The following TAF1B variants were observed in gnomAD, a reference collection of about 807,000 sequenced individuals.
TAF1B encodes the protein TATA box-binding protein-associated factor RNA polymerase I subunit B.
TAF1B carries 61 observed loss-of-function variants against 83.9 expected under a neutral mutation model. The observed-to-expected ratio is 0.73, with a 90% CI of 0.59 to 0.90. The LOEUF is 0.90. TAF1B is among the 40% of genes least tolerant of loss of function. TAF1B has a pLI of 0.00. For missense variants in TAF1B, 625 were observed against 677.0 expected (o/e 0.92, Z 0.85); for synonymous variants, 221 against 224.6 (o/e 0.98, Z 0.14).
intron 12 of TAF1B, among the ~76,000 whole-genome samples, chr2:9,917,812 C>T (rs1665728615): frequency 6.6e-6 from 1 of 151,754 alleles, no homozygotes; most frequent in Non-Finnish European, 1.5e-5. Flanking sequence ...GTGGCTCACG[C>T]CTGTAATCCC....
At chr2:9,872,494 C>A (rs1306033727) in intron 6 of TAF1B, among the ~76,000 whole-genome samples, 2 of 152,034 alleles carry the variant, frequency 1.3e-5, no homozygotes, top group Non-Finnish European at 2.9e-5. Flanking sequence ...TGGCATATTC[C>A]CCACTGCTGA....
intron 14 of TAF1B, among the ~76,000 whole-genome samples, chr2:9,928,006 G>T (rs36193734): frequency 0.51 from 77,342 of 151,686 alleles, 22,766 homozygotes; most frequent in Non-Finnish European, 0.68. Context: ...GGTCTAACAT[G>T]TAAGTCTTTA....
rs13010179 is a variant in TAF1B at position 9,918,020 on chromosome 2, C to G, written c.1272-1021C>G. Among the ~76,000 whole-genome samples, 106 of 149,376 alleles carry G rather than the reference C, an allele frequency of 7.1e-4. 1 individual carries two copies. The highest frequency in any genetic ancestry group is 2.5e-3 in the African/African-American group (103 of 40,608). On this transcript the variant is annotated intron_variant, in intron 12 of 14. Coordinates refer to ENST00000263663, the MANE Select transcript of TAF1B (RefSeq NM_005680.3). ...CCGGGAGGCGGAGCTTGCAGTGAGC[C>G]GAGATCCCACCACTGCACTCCAGCC...
intron 11 of TAF1B, among the ~76,000 whole-genome samples, chr2:9,912,828 T>C (rs1665574272): frequency 1.3e-5 from 2 of 152,226 alleles, no homozygotes; most frequent in South Asian, 4.1e-4. Flanking sequence ...TTTCGGTAGT[T>C]TCCTCTCTTC....
At chr2:9,894,273 G>T (rs922766801) in intron 8 of TAF1B, among the ~76,000 whole-genome samples, 8 of 152,062 alleles carry the variant, frequency 5.3e-5, no homozygotes, top group Non-Finnish European at 8.8e-5. Flanking sequence ...AAATTGATCT[G>T]TTGGGGAGTT....
At chr2:9,862,673 C>A (rs995301752) in intron 5 of TAF1B, among the ~76,000 whole-genome samples, 1 of 152,024 alleles carries the variant, frequency 6.6e-6, no homozygotes, top group Non-Finnish European at 1.5e-5. Flanking sequence ...TGAAGGAAAA[C>A]ATGTTAAGGG....
chr2:9,927,509 T>G (rs1439424837), intron 14 of TAF1B, among the ~76,000 whole-genome samples: 1 of 152,248 alleles, frequency 6.6e-6, no homozygotes, highest in Non-Finnish European at 1.5e-5. Context: ...CATTCCTGTT[T>G]CTTCACATCC....
intron 14 of TAF1B, among the ~76,000 whole-genome samples, chr2:9,931,374 ATC>A: frequency 6.6e-6 from 1 of 152,152 alleles, no homozygotes; most frequent in East Asian, 1.9e-4. Context: ...TGGTGACAGA[ATC>A]TCTCAGCATT....
At chr2:9,874,147 C>A (rs928204025) in intron 6 of TAF1B, among the ~76,000 whole-genome samples, 2 of 152,140 alleles carry the variant, frequency 1.3e-5, no homozygotes, top group Admixed American at 6.6e-5. Context: ...GCTGGGGAGG[C>A]CTCACAATCT....
intron 5 of TAF1B, among the ~76,000 whole-genome samples, chr2:9,861,156 T>A (rs547976718): frequency 1.5e-4 from 23 of 152,248 alleles, no homozygotes; most frequent in Non-Finnish European, 2.8e-4. Flanking sequence ...AGGCATCGCC[T>A]CACCCGGGAA....
intron 11 of TAF1B, 100 bp downstream of exon 11, chr2:9,911,657 C>A: frequency 1.4e-6 from 1 of 700,510 alleles, no homozygotes; most frequent in Non-Finnish European, 2.3e-6. Context: ...TACACATATA[C>A]ACATAAACAC....
intron 2 of TAF1B, chr2:9,845,539 A>C: frequency 2.2e-6 from 1 of 452,418 alleles, no homozygotes; most frequent in South Asian, 2.5e-5. Context: ...CACATTTATA[A>C]ATGATTTCTT....
At chr2:9,927,192 T>C (rs80120358) in intron 14 of TAF1B, among the ~76,000 whole-genome samples, 26,753 of 152,022 alleles carry the variant, frequency 0.18, 2,966 homozygotes, top group East Asian at 0.31. Flanking sequence ...CCTGCAAAGG[T>C]CATGAACTCA....
intron 12 of TAF1B, among the ~76,000 whole-genome samples, chr2:9,917,704 G>A (rs975042112): frequency 6.6e-6 from 1 of 152,138 alleles, no homozygotes; most frequent in Admixed American, 6.5e-5. Flanking sequence ...CAACACTAGG[G>A]GCATAAGGAT....
At chr2:9,898,990 C>CT (rs1016768304) in intron 8 of TAF1B, among the ~76,000 whole-genome samples, 2 of 146,052 alleles carry the variant, frequency 1.4e-5, no homozygotes, top group Non-Finnish European at 3.0e-5. Context: ...CCATTTTATA[C>CT]TTTTTTTGGT....
intron 5 of TAF1B, among the ~76,000 whole-genome samples, chr2:9,856,319 C>T (rs1220188794): frequency 2.0e-5 from 3 of 148,408 alleles, no homozygotes; most frequent in Non-Finnish European, 4.5e-5. Context: ...AAAAAAAAGG[C>T]AGGGGAATAA....
chr2:9,907,398 A>G (rs1300005052), intron 9 of TAF1B, among the ~76,000 whole-genome samples: 2 of 152,102 alleles, frequency 1.3e-5, no homozygotes, highest in African/African-American at 4.8e-5. Flanking sequence ...ATCAAAAAGA[A>G]GAGATCTATG....
chr2:9,919,431 A>C (rs1665798937), intron 13 of TAF1B, among the ~76,000 whole-genome samples, 167 bp from the exon 14 acceptor site: 1 of 152,160 alleles, frequency 6.6e-6, no homozygotes, highest in African/African-American at 2.4e-5. Flanking sequence ...TCCCCCATGC[A>C]CCTCATCCAG....
intron 9 of TAF1B, among the ~76,000 whole-genome samples, chr2:9,909,309 G>T (rs572617072): frequency 6.6e-6 from 1 of 152,322 alleles, no homozygotes; most frequent in South Asian, 2.1e-4. Context: ...CAGGACATCT[G>T]CTTTAGCACT....
Sources: allele counts gnomAD v4.1 joint callset (sites outside exome capture counted in the v4.1 genomes callset), GRCh38; gene constraint gnomAD v4.1.1; transcripts MANE v1.5; gene names NCBI Gene and HGNC (gene_info 2026-07-23, HGNC 2026-07-21).